Variants in CREBBP observed in about 807,000 individuals in gnomAD.
CREBBP encodes CREB binding lysine acetyltransferase.
CREBBP carries 19 observed loss-of-function variants against 265.0 expected under a neutral mutation model. That is an observed-to-expected ratio of 0.07 (90% CI 0.05 to 0.11). The LOEUF (loss-of-function observed/expected upper bound fraction) is 0.11, where lower values mean the gene tolerates loss of function less well. CREBBP is among the 10% of genes least tolerant of loss of function. The pLI, the probability that CREBBP is intolerant of heterozygous loss-of-function variation, is 1.00. For missense variants in CREBBP, 2,525 were observed against 3,219.0 expected (o/e 0.78, Z 5.22); for synonymous variants, 1,457 against 1,223.7 (o/e 1.19, Z -3.98).
At position 3,728,335 on chromosome 16, in the gene CREBBP, C is replaced by T. The variant is rs749263945; in HGVS notation, c.6712G>A (p.Gly2238Arg). ...HGQFQQPQGP[G>R]GYPPAMQQQQ... Reference sequence around the variant, plus strand: ...TGCTGCATGGCCGGTGGGTAGCCTCCGGGTCCTTGAGGCTGCTGGAACTGG... The same window carrying T: ...TGCTGCATGGCCGGTGGGTAGCCTCTGGGTCCTTGAGGCTGCTGGAACTGG... The change falls in exon 31 of 31, where the codon GGA becomes AGA. Residue 2238 changes from glycine (G) to arginine (R), a missense_variant. By Grantham distance (125) the Gly-to-Arg change is moderately radical. This residue lies in a region of CREBBP where 473 missense variants were observed against 459.3 expected (regional missense o/e 1.03). Coordinates refer to ENST00000262367, the MANE Select transcript of CREBBP (RefSeq NM_004380.3). This position sits in a 1 kb window ranked among gnomAD's most constrained non-coding sequence, Gnocchi z 8.7. 6.2e-6 allele frequency: 10 copies of T among 1,612,030 alleles called. No individual in the cohort carries two copies. The African/African-American group carries it at 6.7e-5, about 11-fold the overall frequency.
intron 5 of CREBBP, among the ~76,000 whole-genome samples, chr16:3,784,091 T>G (rs931615447): frequency 6.6e-6 from 1 of 152,258 alleles, no homozygotes; most frequent in Non-Finnish European, 1.5e-5. Context: ...AAATAGCATC[T>G]TATAGTGTTG....
rs2151308277 is a variant in CREBBP, at chr16:3,729,263, C to A, written c.5784G>T (p.Gln1928His). Residue 1928 changes from glutamine to histidine, a missense_variant, in exon 31 of 31, where the codon CAG (glutamine) becomes CAT (histidine). Around this residue, in one of 19 missense-constraint regions of CREBBP, gnomAD observed 275 missense variants for 276.5 expected, o/e 0.99. Coordinates refer to ENST00000262367, the MANE Select transcript of CREBBP (RefSeq NM_004380.3). ...PAGFPSVART[Q>H]PPTTVSTGKP... is the part of the protein sequence containing the mutation. ...TCCCTGTGGACACCGTGGTGGGGGG[C>A]TGAGTCCGGGCCACGCTGGGGAAGC... The A allele has an allele frequency of 6.5e-7, 1 of 1,528,530 alleles. No individual in the cohort carries two copies. The highest frequency in any genetic ancestry group is 1.2e-5 in the South Asian group (1 of 83,536). The allele number at this position is 1,528,530 out of a possible 1,614,324, so 94.7% of individuals were successfully genotyped here. A position where few individuals can be genotyped will look rare whatever the true frequency, so the allele number is the denominator to read the frequency against.
At chr16:3,736,452 T>C in intron 27 of CREBBP, 198 bp downstream of exon 27, 1 of 833,070 alleles carries the variant, frequency 1.2e-6, no homozygotes, top group Non-Finnish European at 1.9e-6. Context: ...CCAACTGTGC[T>C]GCTCTCAGAC....
chr16:3,831,999 T>C (rs2054352647), intron 2 of CREBBP, among the ~76,000 whole-genome samples: 1 of 150,478 alleles, frequency 6.6e-6, no homozygotes, highest in South Asian at 2.1e-4. Context: ...TCTGACTCAG[T>C]TAAAAAAAAA....
intron 2 of CREBBP, among the ~76,000 whole-genome samples, chr16:3,847,895 G>T (rs1236774565): frequency 6.6e-6 from 1 of 152,222 alleles, no homozygotes; most frequent in Admixed American, 6.5e-5. Context: ...TAGGCCGGGC[G>T]TGGTGGCTCA....
chr16:3,807,032 G>T (rs532207687), intron 3 of CREBBP, among the ~76,000 whole-genome samples: 3 of 152,324 alleles, frequency 2.0e-5, no homozygotes. Context: ...TCTTGGAGCA[G>T]TTTGTAACGA....
intron 2 of CREBBP, among the ~76,000 whole-genome samples, chr16:3,845,467 G>A (rs796105778): frequency 1.2e-4 from 18 of 152,222 alleles, no homozygotes; most frequent in African/African-American, 3.4e-4. Context: ...ACAGCATATC[G>A]TATCAGTGGG....
chr16:3,766,990 C>T (rs759125989), intron 16 of CREBBP, among the ~76,000 whole-genome samples: 1 of 152,306 alleles, frequency 6.6e-6, no homozygotes, highest in East Asian at 1.9e-4. Context: ...CAGTCTCTAA[C>T]ATTTCTCTGC....
chr16:3,826,898 A>C (rs1438934777), intron 2 of CREBBP, among the ~76,000 whole-genome samples: 1 of 152,216 alleles, frequency 6.6e-6, no homozygotes, highest in Non-Finnish European at 1.5e-5. Flanking sequence ...AACACAGGAA[A>C]GGTAAGAGGC....
At chr16:3,747,236 C>G (rs1420425020) in intron 21 of CREBBP, among the ~76,000 whole-genome samples, 5 of 152,144 alleles carry the variant, frequency 3.3e-5, no homozygotes, top group African/African-American at 7.2e-5. Flanking sequence ...CAAAGATGAC[C>G]CTCTTACACT....
chr16:3,823,443 C>G (rs888530507), intron 2 of CREBBP, among the ~76,000 whole-genome samples: 1 of 152,138 alleles, frequency 6.6e-6, no homozygotes, highest in African/African-American at 2.4e-5. Flanking sequence ...AAGCTTTGCT[C>G]GAATGCCTTA....
At chr16:3,878,720 T>A (rs546056061) in intron 1 of CREBBP, among the ~76,000 whole-genome samples, 36 of 152,362 alleles carry the variant, frequency 2.4e-4, no homozygotes, top group African/African-American at 8.7e-4. Flanking sequence ...GATTTTCAGA[T>A]GCTACCACTG....
At chr16:3,774,735 C>A in intron 11 of CREBBP, 42 bp from the exon 12 acceptor site, 1 of 1,613,620 alleles carries the variant, frequency 6.2e-7, no homozygotes, top group Non-Finnish European at 8.5e-7. Context: ...AAAGCACCCA[C>A]AGGAAAACAG....
At chr16:3,759,155 T>C (rs1019354617) in intron 16 of CREBBP, among the ~76,000 whole-genome samples, 183 bp from the exon 17 acceptor site, 4 of 152,224 alleles carry the variant, frequency 2.6e-5, no homozygotes, top group Non-Finnish European at 5.9e-5. Context: ...GTGTCAGAAC[T>C]GTGTTCAGCT....
chr16:3,763,017 G>A (rs1262127491), intron 16 of CREBBP, among the ~76,000 whole-genome samples: 2 of 151,044 alleles, frequency 1.3e-5, no homozygotes, highest in African/African-American at 2.4e-5. Flanking sequence ...CTCGTGATCC[G>A]CCCGCCTCGG....
intron 11 of CREBBP, among the ~76,000 whole-genome samples, chr16:3,775,145 T>C (rs911985214): frequency 9.9e-5 from 15 of 152,226 alleles, no homozygotes; most frequent in Non-Finnish European, 1.5e-5. Context: ...CTAATGCCTC[T>C]GGAGCAGCTG....
chr16:3,761,499 A>ACCT, intron 16 of CREBBP: 1 of 516,650 alleles, frequency 1.9e-6, no homozygotes, highest in Non-Finnish European at 3.9e-6. Flanking sequence ...TAACAGGCTC[A>ACCT]CTTTAGAGAT....
At chr16:3,842,499 G>A (rs1479926535) in intron 2 of CREBBP, among the ~76,000 whole-genome samples, 1 of 152,042 alleles carries the variant, frequency 6.6e-6, no homozygotes, top group Non-Finnish European at 1.5e-5. Flanking sequence ...GTTAAGTTTT[G>A]CTACTGTTGA....
intron 3 of CREBBP, among the ~76,000 whole-genome samples, chr16:3,795,931 C>T (rs1567320051): frequency 2.0e-5 from 3 of 152,294 alleles, no homozygotes; most frequent in South Asian, 4.2e-4. Context: ...TGAGTCATAT[C>T]CCAATTTCTC....
Sources: allele counts gnomAD v4.1 joint callset (sites outside exome capture counted in the v4.1 genomes callset), GRCh38; gene constraint gnomAD v4.1.1; regional missense constraint gnomAD v4.1.1; non-coding constraint Gnocchi (gnomAD v3.1); transcripts MANE v1.5; gene names NCBI Gene and HGNC (gene_info 2026-07-23, HGNC 2026-07-21).